FOCAD: variants seen among roughly 807,000 people sequenced by gnomAD.
FOCAD encodes the protein focadhesin.
In FOCAD, 198 loss-of-function variants were observed where a neutral mutation model predicts 225.6. That is an observed-to-expected ratio of 0.88 (90% CI 0.78 to 0.99). The LOEUF is 0.99. FOCAD is among the 50% of genes least tolerant of loss of function. The probability of loss-of-function intolerance (pLI) is 0.00; values close to 1 mark genes in which losing one functional copy is unlikely to be tolerated. For synonymous variants in FOCAD, 897 were observed against 755.0 expected, an observed-to-expected ratio of 1.19 and a Z score of -3.08; for missense variants, 2,713 against 2,123.6, an observed-to-expected ratio of 1.28 and a Z score of -5.46.
At chr9:20,755,530 G>GT (rs1056468961) in intron 5 of FOCAD, among the ~76,000 whole-genome samples, 4 of 151,872 alleles carry the variant, frequency 2.6e-5, no homozygotes, top group African/African-American at 7.3e-5. Flanking sequence ...ATTCTTAGCG[G>GT]TTTTTTTTGG....
intron 6 of FOCAD, among the ~76,000 whole-genome samples, chr9:20,762,355 C>T (rs1041657984): frequency 2.0e-5 from 3 of 151,870 alleles, no homozygotes; most frequent in Admixed American, 2.0e-4. Context: ...GTGAAAAGTC[C>T]TTTTGATTTT....
intron 37 of FOCAD, among the ~76,000 whole-genome samples, chr9:20,979,326 G>T (rs971963328): frequency 1.3e-5 from 2 of 151,984 alleles, no homozygotes; most frequent in African/African-American, 4.8e-5. Flanking sequence ...TCCCTATTCA[G>T]CCTTGTTTCT....
intron 35 of FOCAD, among the ~76,000 whole-genome samples, chr9:20,965,842 G>A (rs1466255044): frequency 1.3e-5 from 2 of 152,068 alleles, no homozygotes; most frequent in Admixed American, 6.5e-5. Context: ...AGGTTCATTC[G>A]CATTGTAGCA....
At chr9:20,740,949 G>T (rs903455119) in intron 5 of FOCAD, among the ~76,000 whole-genome samples, 2 of 152,168 alleles carry the variant, frequency 1.3e-5, no homozygotes, top group Non-Finnish European at 2.9e-5. Flanking sequence ...CTTACCTATT[G>T]CCTTGAAGGA....
intron 28 of FOCAD, among the ~76,000 whole-genome samples, chr9:20,936,737 G>T (rs913852596): frequency 1.3e-5 from 2 of 152,082 alleles, no homozygotes; most frequent in African/African-American, 4.8e-5. Flanking sequence ...TTCTGACCAG[G>T]GCAATCAGGC....
intron 13 of FOCAD, among the ~76,000 whole-genome samples, 185 bp from the exon 14 acceptor site, chr9:20,820,756 G>C (rs1467401120): frequency 6.6e-6 from 1 of 152,076 alleles, no homozygotes; most frequent in African/African-American, 2.4e-5. Context: ...GAAATCAACA[G>C]TACATTGGTG....
chr9:20,937,656 G>T (rs906193290), intron 28 of FOCAD, among the ~76,000 whole-genome samples: 16 of 152,074 alleles, frequency 1.1e-4, no homozygotes, highest in African/African-American at 3.4e-4. Flanking sequence ...TACCATTCAG[G>T]ACATAGGCAT....
intron 27 of FOCAD, among the ~76,000 whole-genome samples, chr9:20,931,788 C>T (rs1046193836): frequency 1.3e-5 from 2 of 151,758 alleles, no homozygotes; most frequent in African/African-American, 4.8e-5. Context: ...GTCCCAGCTA[C>T]TCGGGAAGCT....
intron 11 of FOCAD, among the ~76,000 whole-genome samples, chr9:20,807,316 A>G (rs1168691290): frequency 1.3e-5 from 2 of 152,214 alleles, no homozygotes. Context: ...AAGAGACATT[A>G]ATTATTATCT....
intron 4 of FOCAD, among the ~76,000 whole-genome samples, chr9:20,732,667 G>A (rs1369333450): frequency 6.6e-6 from 1 of 152,150 alleles, no homozygotes; most frequent in Admixed American, 6.6e-5. Context: ...AAAATGGAAA[G>A]TATTGGGTTT....
intron 15 of FOCAD, among the ~76,000 whole-genome samples, chr9:20,848,099 A>C (rs187065077): frequency 6.6e-6 from 1 of 152,206 alleles, no homozygotes; most frequent in East Asian, 1.9e-4. Flanking sequence ...TAATAGGTGC[A>C]TACAAATTTA....
intron 19 of FOCAD, chr9:20,875,670 T>C (rs1299487673): frequency 6.6e-6 from 1 of 152,076 alleles, no homozygotes; most frequent in East Asian, 1.9e-4. Context: ...TGTTTAGAAG[T>C]ACTCACTTGC....
chr9:20,972,409 C>T (rs1158668793), intron 35 of FOCAD, among the ~76,000 whole-genome samples: 2 of 151,960 alleles, frequency 1.3e-5, no homozygotes, highest in African/African-American at 2.4e-5. Flanking sequence ...TGATATTGGT[C>T]ATCTTCATAT....
At position 20,948,914 on chromosome 9, in the gene FOCAD, G is replaced by A. The variant is rs142840404; in HGVS notation, c.3862G>A (p.Gly1288Arg). The A allele has an allele frequency of 5.1e-5, 83 of 1,613,370 alleles. 1 individual carries two copies. In the African/African-American group the frequency reaches 1.0e-3, roughly 20 times the overall value. Residue 1288 changes from glycine to arginine, a missense_variant, in exon 32 of 44, where the codon GGG (glycine) becomes AGG (arginine). Physicochemically the swap from Gly to Arg is moderately radical, Grantham distance 125. Coordinates refer to ENST00000338382, the MANE Select transcript of FOCAD (RefSeq NM_001375567.1). ...HGMVALVGSE[G>R]DVMQLKSEAI... is the part of the protein sequence containing the mutation. ...CATGGTGGCCTTGGTAGGCTCTGAA[G>A]GGGATGTAATGCAGGTAAAGAAAGG...
At chr9:20,765,261 T>G (rs1829957978) in intron 7 of FOCAD, among the ~76,000 whole-genome samples, 188 bp downstream of exon 7, 1 of 152,218 alleles carries the variant, frequency 6.6e-6, no homozygotes, top group Admixed American at 6.5e-5. Flanking sequence ...ATATATTATA[T>G]TCGATATTAA....
chr9:20,941,711 A>G (rs192036753), intron 28 of FOCAD, among the ~76,000 whole-genome samples: 86 of 152,336 alleles, frequency 5.6e-4, no homozygotes, highest in Admixed American at 4.9e-3. Context: ...GCACTCTTAT[A>G]GAACATTTAT....
At chr9:20,704,320 G>C (rs1563894133) in intron 1 of FOCAD, among the ~76,000 whole-genome samples, 1 of 151,980 alleles carries the variant, frequency 6.6e-6, no homozygotes, top group Non-Finnish European at 1.5e-5. Flanking sequence ...TGTTCATTTG[G>C]TCTTCAGCTT....
chr9:20,902,311 G>T (rs1832623928), intron 21 of FOCAD, among the ~76,000 whole-genome samples: 1 of 151,818 alleles, frequency 6.6e-6, no homozygotes, highest in Non-Finnish European at 1.5e-5. Context: ...GAGGAAAATC[G>T]GTCATTCAAG....
At position 20,995,601 on chromosome 9, in the gene FOCAD, C is replaced by G. The variant is rs1842003252; in HGVS notation, c.5378C>G (p.Ala1793Gly). ...LRVLPEFKKK[A>G]VWTRAYGW is the part of the protein sequence containing the mutation. ...GTTCTCCCAGAGTTTAAGAAGAAAG[C>G]TGTATGGACCAGAGCATATGGTTGG... Residue 1793 changes from alanine to glycine, a missense_variant, in exon 44 of 44, where the codon GCT becomes GGT. Coordinates refer to ENST00000338382, the MANE Select transcript of FOCAD (RefSeq NM_001375567.1). 6.2e-7 allele frequency: 1 copy of G among 1,612,794 alleles called. No homozygotes were observed. The highest frequency in any genetic ancestry group is 8.5e-7 in the Non-Finnish European group (1 of 1,179,028).
Sources: gnomAD v4.1 joint callset for allele counts (sites outside exome capture counted in the v4.1 genomes callset) on GRCh38, gnomAD v4.1.1 for gene constraint, MANE v1.5 for transcripts, NCBI Gene and HGNC (gene_info 2026-07-23, HGNC 2026-07-21) for gene names.